The following NUP58 variants were observed in gnomAD, a reference collection of about 807,000 sequenced individuals.
NUP58 encodes nucleoporin 58, also known as nucleoporin p58/p45.
A neutral mutation model predicts 70.1 loss-of-function variants in NUP58; 17 were observed. That is an observed-to-expected ratio of 0.24 (90% CI 0.17 to 0.36). The LOEUF (loss-of-function observed/expected upper bound fraction) is 0.36, where lower values mean the gene tolerates loss of function less well. Among genes scored for constraint, NUP58 ranks in the 10% least tolerant of loss-of-function variants. The probability of loss-of-function intolerance (pLI) is 1.00; values close to 1 mark genes in which losing one functional copy is unlikely to be tolerated. For missense variants in NUP58, 644 were observed against 701.5 expected, an observed-to-expected ratio of 0.92 and a Z score of 0.93; for synonymous variants, 275 against 257.6, an observed-to-expected ratio of 1.07 and a Z score of -0.65.
At chr13:25,308,588 G>A (rs1435853301) in intron 2 of NUP58, among the ~76,000 whole-genome samples, 1 of 151,928 alleles carries the variant, frequency 6.6e-6, no homozygotes, top group Non-Finnish European at 1.5e-5. Context: ...TGGGATTATA[G>A]GCCTGAGTTA....
intron 10 of NUP58, 92 bp downstream of exon 10, chr13:25,325,160 T>C (rs2031346665): frequency 5.5e-6 from 5 of 905,768 alleles, no homozygotes; most frequent in Non-Finnish European, 5.1e-6. Context: ...TTTAGTATAC[T>C]ATGTGGAAAG....
chr13:25,325,026 A>G lies in NUP58; in HGVS notation c.989A>G (p.Lys330Arg). The change falls in exon 10 of 16, where the codon AAG (lysine) becomes AGG (arginine). Residue 330 changes from lysine to arginine, a missense_variant. This residue lies in a region of NUP58 where 430 missense variants were observed against 409.2 expected (regional missense o/e 1.05). Coordinates refer to ENST00000381736, the MANE Select transcript of NUP58 (RefSeq NM_014089.4). ...GCTGAAATAGCTTTAAGAACCCAGAAGACACCACCTGGACTTCAACATGAA... is the reference window on the plus strand; with the variant it reads ...GCTGAAATAGCTTTAAGAACCCAGAGGACACCACCTGGACTTCAACATGAA... ...KNAEIALRTQ[K>R]TPPGLQHEYA... 6.2e-7 allele frequency: 1 copy of G among 1,611,340 alleles called. No individual in the cohort carries two copies.
intron 3 of NUP58, among the ~76,000 whole-genome samples, chr13:25,348,442 G>GTAT (rs955479037): frequency 2.6e-5 from 4 of 152,028 alleles, no homozygotes; most frequent in African/African-American, 7.2e-5. Context: ...AGTATAAAAT[G>GTAT]TATTATTATT....
rs745538065 is a variant in NUP58, at chr13:25,340,145, ATGTGT to A, written c.*14_*18del. On this transcript the variant is annotated 3_prime_UTR_variant, in exon 16 of 16. Coordinates refer to ENST00000381736, the MANE Select transcript of NUP58 (RefSeq NM_014089.4). ...AGAGGAAAAAGATAAACATGGGTTG[ATGTGT>A]TGAGAGAATCCATAGCAGCACCGTT... The A allele has an allele frequency of 6.2e-7, 1 of 1,605,798 alleles. No individual in the cohort carries two copies. Among genetic ancestry groups the A allele is most frequent in the African/African-American group, 1.3e-5 (1 of 74,586 alleles).
At chr13:25,328,951 AGG>A (rs956588349) in intron 12 of NUP58, among the ~76,000 whole-genome samples, 2 of 152,184 alleles carry the variant, frequency 1.3e-5, no homozygotes, top group Admixed American at 6.5e-5. Context: ...GCATAGTAAC[AGG>A]ATTTTTTTAA....
chr13:25,319,456 A>G (rs2031085705), intron 7 of NUP58, 106 bp downstream of exon 7: 1 of 1,056,580 alleles, frequency 9.5e-7, no homozygotes, highest in Non-Finnish European at 1.4e-6. Context: ...CATTTAGGAG[A>G]AAAAACTTTT....
At chr13:25,334,708 G>T (rs2031722918) in intron 13 of NUP58, 1 of 979,194 alleles carries the variant, frequency 1.0e-6, no homozygotes, top group Non-Finnish European at 1.2e-6. Flanking sequence ...AATATTTTTA[G>T]CACTTTAGTC....
intron 3 of NUP58, among the ~76,000 whole-genome samples, chr13:25,311,872 A>G (rs2030686504): frequency 6.6e-6 from 1 of 152,172 alleles, no homozygotes; most frequent in African/African-American, 2.4e-5. Context: ...CTAATGGAGT[A>G]CAGGAGAAGG....
At chr13:25,310,236 T>TTTTTTG (rs1491454270) in intron 3 of NUP58, among the ~76,000 whole-genome samples, 1 of 72,442 alleles carries the variant, frequency 1.4e-5, no homozygotes, top group African/African-American at 4.2e-5. Context: ...TTTTTTTTTT[T>TTTTTTG]AGAGACGGAA....
intron 13 of NUP58, chr13:25,333,247 G>T: frequency 1.0e-6 from 1 of 985,292 alleles, no homozygotes; most frequent in Non-Finnish European, 1.2e-6. Context: ...CTCTAAATGA[G>T]TGCCTACTAT....
chr13:25,321,161 G>A (rs548463152), intron 9 of NUP58, 68 bp downstream of exon 9: 95 of 1,372,816 alleles, frequency 6.9e-5, no homozygotes, highest in Admixed American at 9.9e-5. Context: ...TGGAAATAAG[G>A]TGTTTTGTTT....
At chr13:25,304,578 G>T (rs191274860) in intron 1 of NUP58, among the ~76,000 whole-genome samples, 1 of 145,078 alleles carries the variant, frequency 6.9e-6, no homozygotes, top group Non-Finnish European at 1.5e-5. Context: ...GTGCAATGGC[G>T]TGATCTTGGC....
At chr13:25,348,461 A>G (rs1431852654) in intron 3 of NUP58, among the ~76,000 whole-genome samples, 2 of 152,088 alleles carry the variant, frequency 1.3e-5, no homozygotes, top group East Asian at 3.8e-4. Flanking sequence ...TTATTTTGAG[A>G]TAGGAGGGTC....
At chr13:25,324,236 G>A (rs1015875728) in intron 9 of NUP58, among the ~76,000 whole-genome samples, 13 of 152,176 alleles carry the variant, frequency 8.5e-5, no homozygotes, top group African/African-American at 2.9e-4. Context: ...GCAGTTTAAT[G>A]AGGAAGAGAT....
chr13:25,309,436 T>C (rs1430789829), intron 3 of NUP58, 154 bp downstream of exon 3: 7 of 575,252 alleles, frequency 1.2e-5, no homozygotes, highest in African/African-American at 1.2e-4. Context: ...GGAGAACCTT[T>C]CAGTATTTGA....
chr13:25,306,010 A>G (rs996941664), intron 1 of NUP58, among the ~76,000 whole-genome samples: 3 of 152,186 alleles, frequency 2.0e-5, no homozygotes, highest in African/African-American at 4.8e-5. Flanking sequence ...CGCCTTGTAC[A>G]TAATATGTTT....
chr13:25,344,900 A>G (rs924797535), downstream of NUP58, among the ~76,000 whole-genome samples: 4 of 152,198 alleles, frequency 2.6e-5, no homozygotes, highest in Admixed American at 2.6e-4. Flanking sequence ...TCTGTGAATA[A>G]GGCTGACTTT....
Position 25,320,721 on chromosome 13 carries a change from G to A in NUP58, c.776+126G>A, listed in dbSNP as rs998503189. The A allele has an allele frequency of 7.7e-5, 60 of 776,728 alleles. No homozygotes were observed. The African/African-American group carries it at 8.7e-4, about 11-fold the overall frequency. 48.1% of individuals were successfully genotyped at this position (776,728 alleles called of 1,614,324 possible). On this transcript the variant is annotated intron_variant, in intron 8 of 15. Coordinates refer to ENST00000381736, the MANE Select transcript of NUP58 (RefSeq NM_014089.4). ...TCTCTTAACTAGGGTTAAAATGTTA[G>A]TGCTTTTAGAAATCAGAAAAAAAGC...
At chr13:25,314,806 T>C (rs1023962305) in intron 5 of NUP58, among the ~76,000 whole-genome samples, 1 of 152,250 alleles carries the variant, frequency 6.6e-6, no homozygotes. Context: ...AACCGTAGTC[T>C]GGTCCTTTTT....
Sources: allele counts gnomAD v4.1 joint callset (sites outside exome capture counted in the v4.1 genomes callset), GRCh38; gene constraint gnomAD v4.1.1; regional missense constraint gnomAD v4.1.1; transcripts MANE v1.5; gene names NCBI Gene and HGNC (gene_info 2026-07-23, HGNC 2026-07-21).